KAZN: variants seen among roughly 807,000 people sequenced by gnomAD.
KAZN encodes kazrin.
Under a neutral mutation model 87.4 loss-of-function variants are expected in KAZN, and 40 were observed. That is an observed-to-expected ratio of 0.46 (90% CI 0.36 to 0.60). The LOEUF (loss-of-function observed/expected upper bound fraction) is 0.60. Ranked by LOEUF, KAZN falls within the 20% of genes least tolerant of loss-of-function variation. The probability of loss-of-function intolerance (pLI) is 0.00; values close to 1 mark genes in which losing one functional copy is unlikely to be tolerated. For synonymous variants in KAZN, 466 were observed against 458.3 expected (o/e 1.02, Z -0.22); for missense variants, 898 against 1,073.9 (o/e 0.84, Z 2.29).
intron 2 of KAZN, among the ~76,000 whole-genome samples, chr1:14,258,409 T>G (rs12031472): frequency 1.5e-5 from 2 of 134,612 alleles, no homozygotes; most frequent in Admixed American, 7.8e-5. Context: ...TTTTTTTTTG[T>G]ATTTTTAGTA....
At chr1:14,522,505 T>G (rs1181129223) in intron 2 of KAZN, among the ~76,000 whole-genome samples, 26 of 152,214 alleles carry the variant, frequency 1.7e-4, no homozygotes, top group Admixed American at 1.7e-3. Context: ...GCAAATCACG[T>G]CATCATCTGT....
At chr1:13,928,357 T>G (rs1640365522) in intron 1 of KAZN, among the ~76,000 whole-genome samples, 1 of 152,206 alleles carries the variant, frequency 6.6e-6, no homozygotes, top group South Asian at 2.1e-4. Flanking sequence ...TAACAGCTTC[T>G]CTGAGAACTT....
intron 2 of KAZN, among the ~76,000 whole-genome samples, chr1:14,235,787 G>T (rs1284788408): frequency 6.6e-6 from 1 of 152,124 alleles, no homozygotes; most frequent in Non-Finnish European, 1.5e-5. Context: ...TTAAATAATT[G>T]TTGATGCGAA....
At position 14,657,996 on chromosome 1, in the gene KAZN, A is replaced by G. The variant is rs1431311460; in HGVS notation, c.226+58773A>G. 3.3e-5 allele frequency among the ~76,000 whole-genome samples: 5 copies of G among 152,288 alleles called. No individual in the cohort carries two copies. In the South Asian group the frequency reaches 1.0e-3, roughly 32 times the overall value. On this transcript the variant is annotated intron_variant, in intron 1 of 14. Transcript: ENST00000376030. ...CTTGAGACCAAGGCGTGGAGTCCAT[A>G]GGCACATGGCAGTGCAGGCACCTGG...
At chr1:14,469,285 T>G (rs1439421192) in intron 2 of KAZN, among the ~76,000 whole-genome samples, 1 of 152,212 alleles carries the variant, frequency 6.6e-6, no homozygotes, top group Non-Finnish European at 1.5e-5. Context: ...CCTATTGACA[T>G]TATTTAGCCA....
At chr1:13,908,511 A>G (rs1639528876) in intron 1 of KAZN, among the ~76,000 whole-genome samples, 1 of 152,164 alleles carries the variant, frequency 6.6e-6, no homozygotes, top group Non-Finnish European at 1.5e-5. Context: ...AGGTGGTACC[A>G]CCCTGGTTGT....
chr1:14,299,336 C>A (rs1467515633), intron 2 of KAZN, among the ~76,000 whole-genome samples: 2 of 152,028 alleles, frequency 1.3e-5, no homozygotes, highest in African/African-American at 4.8e-5. Flanking sequence ...AACCCTGTCT[C>A]TACTAAAAAT....
chr1:14,679,504 T>C (rs1640441256), intron 1 of KAZN, among the ~76,000 whole-genome samples: 1 of 152,078 alleles, frequency 6.6e-6, no homozygotes, highest in Admixed American at 6.5e-5. Context: ...ATTGGTTGAT[T>C]TGCATAGCAA....
chr1:14,020,017 A>T lies in KAZN; in HGVS notation c.91+126261A>T, dbSNP rs571534974. The stretch of plus-strand genomic sequence containing the variant: ...GGGAGCCCTGAGCTTGTTTTCCTGC[A>T]ACTAGATGGTCCCATCTGGGGGTGA... On this transcript the variant is annotated intron_variant, in intron 1 of 16. Transcript: ENST00000636203. 2.0e-5 allele frequency among the ~76,000 whole-genome samples: 3 copies of T among 152,106 alleles called. No homozygotes were observed. The East Asian group carries it at 5.8e-4, about 29-fold the overall frequency.
intron 1 of KAZN, among the ~76,000 whole-genome samples, chr1:14,014,715 A>G (rs1398640478): frequency 6.6e-6 from 1 of 152,254 alleles, no homozygotes; most frequent in Non-Finnish European, 1.5e-5. Context: ...TGGAAGGAGC[A>G]AGATGCAGTG....
intron 1 of KAZN, among the ~76,000 whole-genome samples, chr1:14,925,062 T>G (rs1659026586): frequency 6.6e-6 from 1 of 152,222 alleles, no homozygotes; most frequent in Admixed American, 6.5e-5. Context: ...TCTCATACAC[T>G]TGAACTCCGA....
At chr1:14,087,176 T>G (rs1643877473) in intron 1 of KAZN, among the ~76,000 whole-genome samples, 1 of 152,170 alleles carries the variant, frequency 6.6e-6, no homozygotes, top group Non-Finnish European at 1.5e-5. Context: ...TTCTCAGAAA[T>G]GTTCTTCGTG....
At chr1:14,639,653 A>T (rs1422094417) in intron 1 of KAZN, among the ~76,000 whole-genome samples, 2 of 148,750 alleles carry the variant, frequency 1.3e-5, no homozygotes, top group African/African-American at 2.5e-5. Flanking sequence ...AACTTCAGCA[A>T]TTTTTTTTTT....
chr1:14,805,783 TAA>T (rs1646195455), intron 1 of KAZN, among the ~76,000 whole-genome samples: 1 of 148,330 alleles, frequency 6.7e-6, no homozygotes, highest in South Asian at 2.1e-4. Context: ...ATAATAATAA[TAA>T]TAATAATAAT....
intron 1 of KAZN, among the ~76,000 whole-genome samples, chr1:14,072,274 T>C (rs1270795560): frequency 2.6e-5 from 4 of 152,206 alleles, no homozygotes; most frequent in Non-Finnish European, 5.9e-5. Context: ...TTAGTGTTTT[T>C]AGTTTTGTGT....
chr1:14,045,651 T>C (rs924847892), intron 1 of KAZN, among the ~76,000 whole-genome samples: 1 of 152,184 alleles, frequency 6.6e-6, no homozygotes, highest in African/African-American at 2.4e-5. Context: ...TGTGTATATG[T>C]GTGAAGTTAG....
At chr1:14,658,369 A>C (rs1638930601) in intron 1 of KAZN, among the ~76,000 whole-genome samples, 1 of 152,160 alleles carries the variant, frequency 6.6e-6, no homozygotes, top group Non-Finnish European at 1.5e-5. Flanking sequence ...TTTATGTATC[A>C]TCATTATTAT....
rs1678728603 is a variant in KAZN at position 14,621,949 on chromosome 1, TACA to T, written c.226+22728_226+22730del. On this transcript the variant is annotated intron_variant, in intron 1 of 14. Transcript: ENST00000376030. The stretch of plus-strand genomic sequence containing the variant: ...GAAAGTTGCAAACCCTAAGAAACCT[TACA>T]AAGCCTGTACTTCCGGCTTGAACAG... Among the ~76,000 whole-genome samples, 4 of 152,278 alleles carry T rather than the reference TACA, an allele frequency of 2.6e-5. No individual in the cohort carries two copies. In the South Asian group the frequency reaches 8.3e-4, roughly 32 times the overall value.
chr1:14,558,105 T>C (rs1674022369), intron 2 of KAZN, among the ~76,000 whole-genome samples: 1 of 152,194 alleles, frequency 6.6e-6, no homozygotes, highest in African/African-American at 2.4e-5. Context: ...CTTTTCAAGT[T>C]CTACAGTCAC....
Sources: gnomAD v4.1 joint callset for allele counts (sites outside exome capture counted in the v4.1 genomes callset) on GRCh38, gnomAD v4.1.1 for gene constraint, MANE v1.5 for transcripts, NCBI Gene and HGNC (gene_info 2026-07-23, HGNC 2026-07-21) for gene names.